PSMA1: variants seen among roughly 807,000 people sequenced by gnomAD.
The protein encoded by PSMA1 is proteasome subunit alpha type-1.
In PSMA1, 3 loss-of-function variants were observed where a neutral mutation model predicts 38.4. The observed-to-expected ratio is 0.08, with a 90% CI of 0.04 to 0.20. The LOEUF is 0.20. PSMA1 is among the 10% of genes least tolerant of loss of function. The probability of loss-of-function intolerance (pLI) is 1.00; values close to 1 mark genes in which losing one functional copy is unlikely to be tolerated. For synonymous variants in PSMA1, 101 were observed against 107.1 expected (o/e 0.94, Z 0.35); for missense variants, 227 against 325.3 (o/e 0.70, Z 2.32).
intron 2 of PSMA1, among the ~76,000 whole-genome samples, chr11:14,585,863 T>C (rs183434087): frequency 1.7e-4 from 26 of 152,250 alleles, no homozygotes; most frequent in Admixed American, 1.7e-3. Context: ...CAAGACTTCA[T>C]TGCAGTGGTC....
At chr11:14,607,446 T>G (rs1260336569) in intron 2 of PSMA1, among the ~76,000 whole-genome samples, 2 of 152,220 alleles carry the variant, frequency 1.3e-5, no homozygotes, top group East Asian at 1.9e-4. Context: ...GACCCCAGAA[T>G]GCTCTGAAAT....
In PSMA1 at chr11:14,520,274, C is replaced by T. The variant is rs565394064; in HGVS notation, c.3+23G>A. ...TCACCAGAGCTCTGCCCTAAACCTT[C>T]CAGAGATCGGGATTCAACGTACCAT... On this transcript the variant is annotated intron_variant, in intron 1 of 9. Transcript: ENST00000396394. 3 of 1,614,072 alleles carry T rather than the reference C, an allele frequency of 1.9e-6. No homozygotes were observed. The South Asian group carries it at 3.3e-5, about 18-fold the overall frequency.
intron 2 of PSMA1, among the ~76,000 whole-genome samples, chr11:14,606,727 T>C (rs1240966011): frequency 6.6e-6 from 1 of 152,252 alleles, no homozygotes; most frequent in Non-Finnish European, 1.5e-5. Flanking sequence ...ATTAGCTGTA[T>C]AATCTTGTAG....
chr11:14,630,169 C>A (rs1043706592), intron 1 of PSMA1, among the ~76,000 whole-genome samples: 2 of 152,064 alleles, frequency 1.3e-5, no homozygotes, highest in Admixed American at 1.3e-4. Flanking sequence ...CTTCTCCTGC[C>A]TAATTGCCCT....
intron 2 of PSMA1, among the ~76,000 whole-genome samples, chr11:14,582,162 T>TA (rs1355214718): frequency 7.9e-5 from 12 of 151,922 alleles, no homozygotes; most frequent in East Asian, 1.9e-4. Context: ...CTTCTTTAAT[T>TA]AAAAAAAATA....
chr11:14,533,842 G>C (rs913736151), intron 2 of PSMA1, among the ~76,000 whole-genome samples: 3 of 151,992 alleles, frequency 2.0e-5, no homozygotes, highest in Non-Finnish European at 4.4e-5. Context: ...CTAGATACTT[G>C]CTTGAATGGG....
chr11:14,564,670 T>G (rs1852047511), intron 2 of PSMA1, among the ~76,000 whole-genome samples: 1 of 152,188 alleles, frequency 6.6e-6, no homozygotes, highest in Non-Finnish European at 1.5e-5. Flanking sequence ...GTATGAGTGA[T>G]TTGTCTTTTC....
chr11:14,576,358 C>T (rs948533784), intron 2 of PSMA1, among the ~76,000 whole-genome samples: 10 of 152,266 alleles, frequency 6.6e-5, no homozygotes, highest in African/African-American at 2.4e-4. Context: ...CTTGCACATG[C>T]CTATGTCCTG....
At chr11:14,617,685 G>GTATATATA (rs3087097) in intron 1 of PSMA1, among the ~76,000 whole-genome samples, 1 of 144,676 alleles carries the variant, frequency 6.9e-6, no homozygotes. Context: ...ATATATATAC[G>GTATATATA]TATATATATA....
intron 1 of PSMA1, among the ~76,000 whole-genome samples, chr11:14,630,224 G>A (rs1171862766): frequency 2.0e-5 from 3 of 152,004 alleles, no homozygotes; most frequent in Non-Finnish European, 4.4e-5. Context: ...GGTGAGAGAG[G>A]GCATCCCTGT....
chr11:14,610,358 GA>G (rs71044015), intron 2 of PSMA1, among the ~76,000 whole-genome samples: 152,248 of 152,252 alleles, frequency 1, 76,122 homozygotes, highest in Middle Eastern at 1. Context: ...CACAGCCTCC[GA>G]AGATGTCTTA....
intron 2 of PSMA1, among the ~76,000 whole-genome samples, chr11:14,601,891 T>C (rs973816892): frequency 6.6e-6 from 1 of 152,240 alleles, no homozygotes; most frequent in Non-Finnish European, 1.5e-5. Flanking sequence ...TGAGAAAATC[T>C]TGTGAAGGGC....
intron 2 of PSMA1, among the ~76,000 whole-genome samples, chr11:14,586,580 A>G (rs1254653213): frequency 2.6e-5 from 4 of 152,210 alleles, no homozygotes; most frequent in Non-Finnish European, 5.9e-5. Flanking sequence ...ACATTTAAAA[A>G]GAATGAATAG....
chr11:14,609,272 C>A (rs562079743), intron 2 of PSMA1, among the ~76,000 whole-genome samples: 1 of 152,146 alleles, frequency 6.6e-6, no homozygotes, highest in Non-Finnish European at 1.5e-5. Context: ...ATCTGCATAA[C>A]GATAGGTGGA....
At chr11:14,506,108 T>C (rs1292793962) in intron 9 of PSMA1, among the ~76,000 whole-genome samples, 1 of 152,206 alleles carries the variant, frequency 6.6e-6, no homozygotes, top group African/African-American at 2.4e-5. Flanking sequence ...CAGAAGATTT[T>C]TAGGAGTCAA....
At chr11:14,548,384 T>C (rs1455787280) in intron 2 of PSMA1, among the ~76,000 whole-genome samples, 2 of 152,208 alleles carry the variant, frequency 1.3e-5, no homozygotes, top group Non-Finnish European at 2.9e-5. Context: ...TCTTGGTATA[T>C]GTATGTGGTG....
At chr11:14,582,531 T>A (rs1852294241) in intron 2 of PSMA1, among the ~76,000 whole-genome samples, 1 of 152,184 alleles carries the variant, frequency 6.6e-6, no homozygotes, top group South Asian at 2.1e-4. Flanking sequence ...CCTTTTCTTT[T>A]TTTTTGAGAT....
chr11:14,581,949 T>G (rs1231220963), intron 2 of PSMA1, among the ~76,000 whole-genome samples: 3 of 152,172 alleles, frequency 2.0e-5, no homozygotes, highest in Non-Finnish European at 4.4e-5. Flanking sequence ...CAGCAAAAAC[T>G]TTGCCCCTGA....
At chr11:14,598,872 G>T (rs1852539949) in intron 2 of PSMA1, among the ~76,000 whole-genome samples, 1 of 151,742 alleles carries the variant, frequency 6.6e-6, no homozygotes, top group Admixed American at 6.6e-5. Context: ...TTTTGCAGTG[G>T]CTGGTACCGG....
Sources: allele counts gnomAD v4.1 joint callset (sites outside exome capture counted in the v4.1 genomes callset), GRCh38; gene constraint gnomAD v4.1.1; transcripts MANE v1.5; gene names NCBI Gene and HGNC (gene_info 2026-07-23, HGNC 2026-07-21).